SPAM1: variants seen among roughly 807,000 people sequenced by gnomAD.
SPAM1 encodes sperm adhesion molecule 1.
A neutral mutation model predicts 29.6 loss-of-function variants in SPAM1; 22 were observed. That is an observed-to-expected ratio of 0.74 (90% CI 0.53 to 1.06). The LOEUF is 1.06. SPAM1 is among the 50% of genes least tolerant of loss of function. The pLI is 0.00. For synonymous variants in SPAM1, 194 were observed against 204.6 expected, an observed-to-expected ratio of 0.95 and a Z score of 0.44; for missense variants, 534 against 604.0, an observed-to-expected ratio of 0.88 and a Z score of 1.21.
rs1443105238 is a variant in SPAM1, at chr7:123,953,506, C to A, written c.-65C>A. Reference sequence around the variant, plus strand: ...TTTCATCTGTGCTCATACTTTGCATCAGATATTGGGTAAACCAAAGTGTGT... The same window carrying A: ...TTTCATCTGTGCTCATACTTTGCATAAGATATTGGGTAAACCAAAGTGTGT... On this transcript the variant is annotated 5_prime_UTR_variant, in exon 3 of 5. Coordinates refer to ENST00000682466, the MANE Select transcript of SPAM1 (RefSeq NM_153189.3). 7 of 950,946 alleles carry A rather than the reference C, an allele frequency of 7.4e-6. No homozygotes were observed. Among genetic ancestry groups the A allele is most frequent in the Admixed American group, 2.7e-5 (1 of 37,266 alleles). The allele number at this position is 950,946 out of a possible 1,614,324, so 58.9% of individuals were successfully genotyped here.
At chr7:123,960,981 A>G (rs181472688), downstream of SPAM1, among the ~76,000 whole-genome samples, 80 of 152,034 alleles carry the variant, frequency 5.3e-4, no homozygotes, top group South Asian at 1.7e-3. Flanking sequence ...TTTAAAATTG[A>G]ACCACTTGTA....
chr7:123,958,672 G>T (rs1398530490), intron 4 of SPAM1, among the ~76,000 whole-genome samples: 2 of 151,580 alleles, frequency 1.3e-5, no homozygotes, highest in Non-Finnish European at 2.9e-5. Context: ...TACCACAAAA[G>T]AAAACCAAAA....
intron 1 of SPAM1, among the ~76,000 whole-genome samples, chr7:123,931,270 T>C (rs1418057211): frequency 6.6e-6 from 1 of 152,168 alleles, no homozygotes; most frequent in East Asian, 1.9e-4. Context: ...AGGTCATAGA[T>C]ACCAGAACCC....
chr7:123,933,763 G>A (rs1226445381), intron 1 of SPAM1, among the ~76,000 whole-genome samples: 1 of 152,072 alleles, frequency 6.6e-6, no homozygotes, highest in Admixed American at 6.5e-5. Context: ...ATTAAAAAGT[G>A]GGCAAAGAAT....
chr7:123,968,444 A>C (rs186993693), intron 5 of SPAM1, among the ~76,000 whole-genome samples: 91 of 152,084 alleles, frequency 6.0e-4, no homozygotes, highest in African/African-American at 2.1e-3. Flanking sequence ...TCTGGTCTGG[A>C]GTAAAGTCTT....
In SPAM1 at chr7:123,970,126, A is replaced by G. The variant is rs1584967317; in HGVS notation, c.1486-72A>G. 23 of 1,484,000 alleles carry G rather than the reference A, an allele frequency of 1.5e-5. 1 individual carries two copies. The highest frequency in any genetic ancestry group is 1.2e-4 in the South Asian group (10 of 80,616). The allele number at this position is 1,484,000 out of a possible 1,614,324, so 91.9% of individuals were successfully genotyped here. ...GTATATCTCCATTAGTTTGCTAGTG[A>G]TGCTATAACAAAGTGCCACAGACTA... is the stretch of plus-strand genomic sequence containing the variant. On this transcript the variant is annotated intron_variant, in intron 5 of 6. Transcript: ENST00000340011.
chr7:123,947,034 A>G (rs1017263633), intron 1 of SPAM1, among the ~76,000 whole-genome samples: 2 of 152,044 alleles, frequency 1.3e-5, no homozygotes, highest in Non-Finnish European at 2.9e-5. Context: ...CTCAAGATTT[A>G]TTTTCCTTTG....
intron 2 of SPAM1, among the ~76,000 whole-genome samples, chr7:123,952,991 G>A (rs879331184): frequency 6.6e-5 from 10 of 151,960 alleles, no homozygotes; most frequent in Non-Finnish European, 1.2e-4. Context: ...ATGGCAGACC[G>A]CTAGAAAGTG....
chr7:123,950,427 C>T (rs761461505), intron 2 of SPAM1, among the ~76,000 whole-genome samples: 13 of 152,004 alleles, frequency 8.6e-5, no homozygotes, highest in Non-Finnish European at 1.8e-4. Flanking sequence ...AACCTGCTCC[C>T]TTTCAGAGTG....
In SPAM1 at chr7:123,954,424, C is replaced by T. The variant is rs1338107599; in HGVS notation, c.854C>T (p.Ala285Val). ...TATGTGCGCAATCGAGTTCGGGAAG[C>T]CATCAGAGTTTCCAAAATACCTGAT... ...TLYVRNRVREAIRVSKIPDAK... is the reference protein window; with the variant it reads ...TLYVRNRVREVIRVSKIPDAK... Residue 285 changes from alanine to valine, a missense_variant, in exon 3 of 5, where the codon GCC becomes GTC. Transcript: ENST00000682466. The T allele has an allele frequency of 6.2e-7, 1 of 1,613,358 alleles. No individual in the cohort carries two copies. Among genetic ancestry groups the T allele is most frequent in the Non-Finnish European group, 8.5e-7 (1 of 1,179,630 alleles).
chr7:123,958,479 C>T (rs17551316), intron 4 of SPAM1, among the ~76,000 whole-genome samples: 6,696 of 151,986 alleles, frequency 0.044, 274 homozygotes, highest in Non-Finnish European at 0.054. Flanking sequence ...CAGTTGAACC[C>T]GTTTAATGTA....
chr7:123,969,705 T>C (rs1164714220), intron 5 of SPAM1, among the ~76,000 whole-genome samples: 1 of 152,036 alleles, frequency 6.6e-6, no homozygotes, highest in East Asian at 1.9e-4. Flanking sequence ...CCTTGTAGTG[T>C]ATTTTGAAGT....
At chr7:123,955,416 G>A (rs1792227220) in intron 4 of SPAM1, among the ~76,000 whole-genome samples, 1 of 151,928 alleles carries the variant, frequency 6.6e-6, no homozygotes, top group African/African-American at 2.4e-5. Flanking sequence ...CTTTACTCTT[G>A]TTTAATTCTC....
At chr7:123,951,137 C>T (rs759671879) in intron 2 of SPAM1, among the ~76,000 whole-genome samples, 8 of 151,996 alleles carry the variant, frequency 5.3e-5, no homozygotes, top group Admixed American at 4.6e-4. Flanking sequence ...CGTTTGAGTT[C>T]CTCATAGATT....
chr7:123,936,369 T>G (rs1316414465), intron 1 of SPAM1, among the ~76,000 whole-genome samples: 1 of 152,150 alleles, frequency 6.6e-6, no homozygotes, highest in Admixed American at 6.5e-5. Flanking sequence ...TGTGGAAATT[T>G]TATTCTTTGG....
At chr7:123,939,546 C>T (rs529989627) in intron 1 of SPAM1, among the ~76,000 whole-genome samples, 23 of 152,124 alleles carry the variant, frequency 1.5e-4, no homozygotes, top group Non-Finnish European at 2.5e-4. Flanking sequence ...TAAGTTTCAT[C>T]ATCAGCCATA....
chr7:123,963,142 A>C (rs1009856396), downstream of SPAM1, among the ~76,000 whole-genome samples: 12 of 151,852 alleles, frequency 7.9e-5, no homozygotes, highest in African/African-American at 2.9e-4. Context: ...GGGTATATAC[A>C]TTTTAATTTA....
chr7:123,939,234 C>T (rs1459799478), intron 1 of SPAM1, among the ~76,000 whole-genome samples: 1 of 151,926 alleles, frequency 6.6e-6, no homozygotes, highest in Non-Finnish European at 1.5e-5. Flanking sequence ...TACAGGCGCC[C>T]GCCATCATGC....
chr7:123,967,797 A>AT (rs1167966774), intron 5 of SPAM1, among the ~76,000 whole-genome samples: 1 of 152,040 alleles, frequency 6.6e-6, no homozygotes, highest in East Asian at 1.9e-4. Flanking sequence ...TTTAGCCTGG[A>AT]TTGAAATGGT....
Sources: allele counts gnomAD v4.1 joint callset (sites outside exome capture counted in the v4.1 genomes callset), GRCh38; gene constraint gnomAD v4.1.1; transcripts MANE v1.5; gene names NCBI Gene and HGNC (gene_info 2026-07-23, HGNC 2026-07-21).